Variants in ATG7 observed in about 807,000 individuals in gnomAD.
ATG7 encodes ubiquitin-like modifier-activating enzyme ATG7.
Under a neutral mutation model 82.4 loss-of-function variants are expected in ATG7, and 70 were observed. The ratio of observed to expected loss-of-function variants is 0.85; its 90% CI spans 0.70 to 1.04. ATG7 has a LOEUF of 1.04. Ranked by LOEUF, ATG7 falls within the 50% of genes least tolerant of loss-of-function variation. ATG7 has a pLI of 0.00. For missense variants in ATG7, 792 were observed against 864.3 expected (o/e 0.92, Z 1.05); for synonymous variants, 287 against 313.0 (o/e 0.92, Z 0.88).
chr3:11,490,610 C>T (rs1361633468), intron 20 of ATG7, among the ~76,000 whole-genome samples: 25 of 152,242 alleles, frequency 1.6e-4, no homozygotes, highest in South Asian at 4.1e-4. Flanking sequence ...TGGCTGGTAC[C>T]GGTTGTTCCT....
intron 20 of ATG7, among the ~76,000 whole-genome samples, chr3:11,464,244 C>G: frequency 6.6e-6 from 1 of 152,076 alleles, no homozygotes; most frequent in Non-Finnish European, 1.5e-5. Flanking sequence ...TGGTGTTATG[C>G]ACCTGAAGTC....
At chr3:11,467,606 C>T (rs71316483) in intron 20 of ATG7, among the ~76,000 whole-genome samples, 137 of 152,300 alleles carry the variant, frequency 9.0e-4, no homozygotes, top group Admixed American at 3.1e-3. Flanking sequence ...GAACTCCTGA[C>T]CTCAGGTAAT....
intron 18 of ATG7, among the ~76,000 whole-genome samples, chr3:11,374,523 T>C (rs2077247028): frequency 6.6e-6 from 1 of 152,160 alleles, no homozygotes; most frequent in South Asian, 2.1e-4. Flanking sequence ...GATTAGACAA[T>C]GGTTTCTTAT....
At chr3:11,568,591 T>C in the ATG7 span, 2 of 1,562,238 alleles carry the variant, frequency 1.3e-6, no homozygotes, top group Non-Finnish European at 1.7e-6. This position sits in a 1 kb window ranked among gnomAD's most constrained non-coding sequence, Gnocchi z 5.9. Flanking sequence ...TTAGTAAAAT[T>C]ATACATTACT....
downstream of ATG7, chr3:11,559,463 G>A (rs769837438): frequency 6.4e-7 from 1 of 1,551,938 alleles, no homozygotes; most frequent in Non-Finnish European, 8.7e-7. Flanking sequence ...GTTCTGCGGG[G>A]AGGAGGGGTG....
chr3:11,391,214 G>T (rs1213387968), intron 19 of ATG7, among the ~76,000 whole-genome samples: 1 of 152,184 alleles, frequency 6.6e-6, no homozygotes. Context: ...CTCAAGATGT[G>T]AGCAAATACT....
In ATG7 at chr3:11,311,844, C is replaced by T. The variant is rs1948724406; in HGVS notation, c.412-1460C>T. ...TTTTTCTTAGTTGATCAATGAATAGCAGAATTAGAGACCGCAGAGATTACA... is the reference window on the plus strand; with the variant it reads ...TTTTTCTTAGTTGATCAATGAATAGTAGAATTAGAGACCGCAGAGATTACA... On this transcript the variant is annotated intron_variant, in intron 7 of 20. Transcript: ENST00000693202. Among the ~76,000 whole-genome samples the T allele has an allele frequency of 2.6e-5, 4 of 151,528 alleles. No homozygotes were observed. In the South Asian group the frequency reaches 6.3e-4, roughly 24 times the overall value.
intron 19 of ATG7, among the ~76,000 whole-genome samples, chr3:11,423,632 A>G (rs1366052233): frequency 6.6e-6 from 1 of 150,796 alleles, no homozygotes; most frequent in Non-Finnish European, 1.5e-5. Flanking sequence ...TTTTTTTTCC[A>G]GGGGGTTAGG....
intron 11 of ATG7, among the ~76,000 whole-genome samples, chr3:11,339,310 A>G (rs1441011953): frequency 2.2e-4 from 11 of 49,668 alleles, no homozygotes; most frequent in African/African-American, 4.4e-4. Flanking sequence ...AAAAAAAAAA[A>G]AAAGAAAAGA....
At position 11,555,526 on chromosome 3, in the gene ATG7, T is replaced by C. The variant is rs2072320704; in HGVS notation, c.*683T>C. Reference sequence around the variant, plus strand: ...CCTGCCTGCTTGAGGGAGAGGAGTTTCTGCTGCTGCCTTGAGCTGGGGGGA... The same window carrying C: ...CCTGCCTGCTTGAGGGAGAGGAGTTCCTGCTGCTGCCTTGAGCTGGGGGGA... On this transcript the variant is annotated 3_prime_UTR_variant, in exon 21 of 21. Transcript: ENST00000693202. The C allele has an allele frequency of 6.5e-6, 1 of 152,986 alleles. No individual in the cohort carries two copies. The allele number at this position is 152,986 out of a possible 1,614,324, so 9.5% of individuals were successfully genotyped here.
intron 20 of ATG7, among the ~76,000 whole-genome samples, chr3:11,492,923 C>T (rs1209065189): frequency 6.6e-6 from 1 of 152,252 alleles, no homozygotes; most frequent in East Asian, 1.9e-4. Context: ...TGTTACAATG[C>T]TCTCTTAGCT....
At position 11,318,681 on chromosome 3, in the gene ATG7, G is replaced by C. The variant is rs529254372; in HGVS notation, c.678+3188G>C. On this transcript the variant is annotated intron_variant, in intron 9 of 20. Transcript: ENST00000693202. ...TAAAACTACTTAGCTTGGCGTTTGA[G>C]GTCTCTTCAGTTCCAGTTCCTGTCC... Among the ~76,000 whole-genome samples the C allele has an allele frequency of 3.9e-5, 6 of 152,278 alleles. No homozygotes were observed. The South Asian group carries it at 1.2e-3, about 32-fold the overall frequency.
At chr3:11,540,257 T>A (rs984339474) in intron 20 of ATG7, among the ~76,000 whole-genome samples, 6 of 152,240 alleles carry the variant, frequency 3.9e-5, no homozygotes, top group Non-Finnish European at 5.9e-5. Flanking sequence ...GATATGCAAG[T>A]GGCATCTCAT....
chr3:11,562,949 G>A, the ATG7 span, among the ~76,000 whole-genome samples: 2 of 152,244 alleles, frequency 1.3e-5, no homozygotes, highest in South Asian at 2.1e-4. Context: ...CACGTGTGCC[G>A]TGGGCAGCCA....
intron 20 of ATG7, among the ~76,000 whole-genome samples, chr3:11,527,315 G>C (rs2092606945): frequency 6.6e-6 from 1 of 152,006 alleles, no homozygotes; most frequent in Non-Finnish European, 1.5e-5. Context: ...ATGTTGGCCA[G>C]GTTGAACTCC....
intron 16 of ATG7, among the ~76,000 whole-genome samples, chr3:11,361,024 T>G (rs1316554743): frequency 3.3e-5 from 5 of 152,156 alleles, no homozygotes; most frequent in African/African-American, 1.2e-4. Context: ...TTGGAAAGCT[T>G]ATTGAGGAAA....
chr3:11,573,316 G>C, the ATG7 span, among the ~76,000 whole-genome samples: 48 of 20,724 alleles, frequency 2.3e-3, 2 homozygotes, highest in African/African-American at 0.011. Context: ...AGGAAGGAAG[G>C]AAGAAAGAAA....
chr3:11,516,579 C>T (rs970330361), intron 20 of ATG7, among the ~76,000 whole-genome samples: 5 of 152,118 alleles, frequency 3.3e-5, no homozygotes, highest in Admixed American at 1.3e-4. Flanking sequence ...GAGATTTACC[C>T]GAATTAGTTG....
At chr3:11,567,307 C>T in the ATG7 span, among the ~76,000 whole-genome samples, 1 of 152,164 alleles carries the variant, frequency 6.6e-6, no homozygotes, top group South Asian at 2.1e-4. Context: ...GCCAAGAGAA[C>T]CCTGTCAGCC....
Sources: allele counts gnomAD v4.1 joint callset (sites outside exome capture counted in the v4.1 genomes callset), GRCh38; gene constraint gnomAD v4.1.1; non-coding constraint Gnocchi (gnomAD v3.1); transcripts MANE v1.5; gene names NCBI Gene and HGNC (gene_info 2026-07-23, HGNC 2026-07-21).